The following KLHL29 variants were observed in gnomAD, a reference collection of about 807,000 sequenced individuals.
KLHL29 encodes the protein kelch-like protein 29.
A neutral mutation model predicts 80.4 loss-of-function variants in KLHL29; 21 were observed. The observed-to-expected ratio is 0.26, with a 90% CI of 0.19 to 0.38. KLHL29 has a LOEUF of 0.38. KLHL29 is among the 10% of genes least tolerant of loss of function. The pLI is 1.00. For missense variants in KLHL29, 867 were observed against 1,223.9 expected, an observed-to-expected ratio of 0.71 and a Z score of 4.35; for synonymous variants, 511 against 526.8, an observed-to-expected ratio of 0.97 and a Z score of 0.41.
At chr2:23,659,995 C>T (rs1670360260) in intron 5 of KLHL29, among the ~76,000 whole-genome samples, 1 of 152,146 alleles carries the variant, frequency 6.6e-6, no homozygotes. Flanking sequence ...CTGTGCACCA[C>T]AGCACTGCAC....
chr2:23,389,706 G>C (rs536602588), intron 1 of KLHL29, among the ~76,000 whole-genome samples: 1 of 151,900 alleles, frequency 6.6e-6, no homozygotes, highest in Admixed American at 6.6e-5. Context: ...AAAAGGGGGG[G>C]GCGGAATATA....
chr2:23,515,793 A>G (rs1665903788), intron 2 of KLHL29, among the ~76,000 whole-genome samples: 1 of 152,172 alleles, frequency 6.6e-6, no homozygotes, highest in South Asian at 2.1e-4. Context: ...GGCTCCCCAA[A>G]GAAACCACAA....
intron 5 of KLHL29, among the ~76,000 whole-genome samples, chr2:23,654,718 T>C (rs1444696928): frequency 6.9e-6 from 1 of 145,460 alleles, no homozygotes; most frequent in East Asian, 2.1e-4. Context: ...GTGGATGTTT[T>C]GTATGTGCCT....
At chr2:23,664,063 G>A (rs929176793) in intron 5 of KLHL29, among the ~76,000 whole-genome samples, 1 of 152,204 alleles carries the variant, frequency 6.6e-6, no homozygotes. Flanking sequence ...CTTATGCATT[G>A]TAATGCGGGA....
At chr2:23,539,229 A>G (rs553570936) in intron 2 of KLHL29, among the ~76,000 whole-genome samples, 46 of 152,234 alleles carry the variant, frequency 3.0e-4, no homozygotes, top group African/African-American at 7.9e-4. Flanking sequence ...GTTACGTTCA[A>G]TTCTGTTCAG....
intron 1 of KLHL29, among the ~76,000 whole-genome samples, chr2:23,402,490 A>G (rs1343253158): frequency 3.9e-5 from 6 of 152,160 alleles, no homozygotes; most frequent in Non-Finnish European, 1.5e-5. Flanking sequence ...AGCCCAGGCC[A>G]TGCAATCCGA....
intron 3 of KLHL29, among the ~76,000 whole-genome samples, chr2:23,624,586 C>T (rs1262577740): frequency 6.6e-6 from 1 of 152,208 alleles, no homozygotes; most frequent in East Asian, 1.9e-4. Flanking sequence ...GGTCTCACAG[C>T]CAATAGCTAC....
At chr2:23,610,794 C>G (rs1409210450) in intron 3 of KLHL29, among the ~76,000 whole-genome samples, 1 of 152,192 alleles carries the variant, frequency 6.6e-6, no homozygotes, top group Non-Finnish European at 1.5e-5. Context: ...CCTCACTCGC[C>G]CCTGCAAAAG....
chr2:23,395,114 A>G (rs944565997), intron 1 of KLHL29, among the ~76,000 whole-genome samples: 6 of 152,142 alleles, frequency 3.9e-5, no homozygotes, highest in South Asian at 4.2e-4. Flanking sequence ...TGTGAGCTCA[A>G]TGAATTGTGT....
intron 3 of KLHL29, among the ~76,000 whole-genome samples, chr2:23,580,097 G>A (rs1024618250): frequency 2.0e-5 from 3 of 152,358 alleles, no homozygotes; most frequent in East Asian, 3.9e-4. Context: ...CAGGCCGGGC[G>A]CGGTGGCTCA....
chr2:23,410,334 T>G (rs1478723258), intron 1 of KLHL29, among the ~76,000 whole-genome samples: 90 of 128,122 alleles, frequency 7.0e-4, no homozygotes, highest in African/African-American at 8.9e-4. Context: ...CAGGCTGGGG[T>G]GGGGGGTTCG....
At chr2:23,472,402 G>A (rs1352759774) in intron 1 of KLHL29, among the ~76,000 whole-genome samples, 1 of 152,116 alleles carries the variant, frequency 6.6e-6, no homozygotes, top group Non-Finnish European at 1.5e-5. Flanking sequence ...TTGGGAGGCC[G>A]AGGCGGGCGG....
At chr2:23,512,267 G>A (rs907866724) in intron 2 of KLHL29, among the ~76,000 whole-genome samples, 4 of 152,164 alleles carry the variant, frequency 2.6e-5, no homozygotes, top group Admixed American at 2.6e-4. Flanking sequence ...CGCACATGGA[G>A]AAACTCTGTC....
chr2:23,407,272 G>A (rs1666758442), intron 1 of KLHL29, among the ~76,000 whole-genome samples: 1 of 152,074 alleles, frequency 6.6e-6, no homozygotes, highest in African/African-American at 2.4e-5. Flanking sequence ...AGTCAGAGGT[G>A]GAGCAGCATG....
At chr2:23,663,242 C>T (rs558304642) in intron 5 of KLHL29, among the ~76,000 whole-genome samples, 1 of 152,348 alleles carries the variant, frequency 6.6e-6, no homozygotes. Context: ...CCCCTTTGGC[C>T]CAGTAGCAAG....
At position 23,585,031 on chromosome 2, in the gene KLHL29, C is replaced by G. The variant is rs534566007; in HGVS notation, c.285+22550C>G. 8.9e-4 allele frequency among the ~76,000 whole-genome samples: 135 copies of G among 152,344 alleles called. 1 individual carries two copies. Among genetic ancestry groups the G allele is most frequent in the African/African-American group, 3.2e-3 (133 of 41,570 alleles). On this transcript the variant is annotated intron_variant, in intron 3 of 13. Coordinates refer to ENST00000486442, the MANE Select transcript of KLHL29 (RefSeq NM_052920.2). ...GATTACAGGCATGAACCACCACCGC[C>G]AGCCTACTCAGTCTTTAAAATAAGG...
intron 1 of KLHL29, among the ~76,000 whole-genome samples, chr2:23,461,006 A>G (rs1382035863): frequency 1.4e-4 from 22 of 152,244 alleles, no homozygotes; most frequent in Non-Finnish European, 1.5e-5. Flanking sequence ...AGAGGCCACT[A>G]AAGGATTTCA....
intron 1 of KLHL29, among the ~76,000 whole-genome samples, chr2:23,445,277 T>A (rs1210682067): frequency 1.3e-5 from 2 of 152,226 alleles, no homozygotes; most frequent in Non-Finnish European, 2.9e-5. Context: ...TTTTGCTAGT[T>A]TTTTTTCTTT....
intron 1 of KLHL29, among the ~76,000 whole-genome samples, chr2:23,438,148 G>A (rs1326568041): frequency 1.3e-5 from 2 of 150,018 alleles, no homozygotes; most frequent in Admixed American, 1.3e-4. Flanking sequence ...TGTGATTTTT[G>A]TACATTGATT....
Sources: allele counts gnomAD v4.1 joint callset (sites outside exome capture counted in the v4.1 genomes callset), GRCh38; gene constraint gnomAD v4.1.1; transcripts MANE v1.5; gene names NCBI Gene and HGNC (gene_info 2026-07-23, HGNC 2026-07-21).